The following CACNA1I variants were observed in gnomAD, a reference collection of about 807,000 sequenced individuals.
CACNA1I encodes the protein voltage-dependent T-type calcium channel subunit alpha-1I.
In CACNA1I, 74 loss-of-function variants were observed where a neutral mutation model predicts 201.6. The observed-to-expected ratio is 0.37, with a 90% CI of 0.30 to 0.45. The LOEUF is 0.45. CACNA1I is among the 20% of genes least tolerant of loss of function. CACNA1I has a pLI of 1.00. For synonymous variants in CACNA1I, 1,431 were observed against 1,345.2 expected (o/e 1.06, Z -1.40); for missense variants, 2,346 against 3,138.1 (o/e 0.75, Z 6.03).
intron 7 of CACNA1I, among the ~76,000 whole-genome samples, chr22:39,645,278 C>G (rs1005686432): frequency 6.6e-6 from 1 of 152,260 alleles, no homozygotes; most frequent in Non-Finnish European, 1.5e-5. Context: ...TGAGCCACCG[C>G]ACCTGGCTTC....
chr22:39,613,713 G>T lies in CACNA1I; in HGVS notation c.483-5597G>T, dbSNP rs546555596. On this transcript the variant is annotated intron_variant, in intron 3 of 36. Coordinates refer to ENST00000402142, the MANE Select transcript of CACNA1I (RefSeq NM_021096.4). ...CCTTCCACCTACCTGGTCAGCAGAG[G>T]GTAACGCTCCCGAGCCGGAGGCGCT... Among the ~76,000 whole-genome samples, 25 of 152,338 alleles carry T rather than the reference G, an allele frequency of 1.6e-4. No homozygotes were observed. In the South Asian group the frequency reaches 5.2e-3, roughly 32 times the overall value.
intron 2 of CACNA1I, among the ~76,000 whole-genome samples, chr22:39,599,141 G>T (rs1238041076): frequency 1.4e-5 from 2 of 148,118 alleles, no homozygotes; most frequent in African/African-American, 4.9e-5. Context: ...GTAGAGACGG[G>T]GTTTCACCAT....
chr22:39,632,128 C>T (rs142689003), intron 4 of CACNA1I, among the ~76,000 whole-genome samples: 134 of 152,198 alleles, frequency 8.8e-4, no homozygotes, highest in African/African-American at 2.3e-3. Flanking sequence ...ATTAATTGAG[C>T]GACAAAGGCC....
chr22:39,660,322 A>C (rs552930421), intron 14 of CACNA1I, 22 bp from the exon 15 acceptor site: 3 of 1,595,554 alleles, frequency 1.9e-6, no homozygotes, highest in Admixed American at 1.7e-5. Flanking sequence ...CCTGCATTCT[A>C]ACGTGACGGA....
intron 4 of CACNA1I, among the ~76,000 whole-genome samples, chr22:39,626,430 C>A (rs1339058042): frequency 5.3e-5 from 8 of 152,070 alleles, no homozygotes; most frequent in Admixed American, 5.2e-4. Context: ...CACTCATCAG[C>A]TGAGGGTTGG....
intron 3 of CACNA1I, among the ~76,000 whole-genome samples, chr22:39,612,006 T>C (rs1195267521): frequency 2.6e-5 from 4 of 152,194 alleles, no homozygotes; most frequent in Non-Finnish European, 5.9e-5. Context: ...GTTGTTTGAA[T>C]GTGTCTCCCA....
intron 6 of CACNA1I, 52 bp from the exon 7 acceptor site, chr22:39,642,745 G>C (rs898200371): frequency 1.5e-6 from 2 of 1,319,474 alleles, no homozygotes; most frequent in Admixed American, 3.8e-5. Flanking sequence ...CCTGGGCTAC[G>C]GGCTTTCTGA....
rs371990222 is a variant in CACNA1I at position 39,648,035 on chromosome 22, G to T, written c.1567+109G>T. The stretch of plus-strand genomic sequence containing the variant: ...GCATGGGGACGGCGCTTGAGCAGCC[G>T]CGACCCTCTGCAGGCCTGTCTCCCT... On this transcript the variant is annotated intron_variant, in intron 9 of 36. Coordinates refer to ENST00000402142, the MANE Select transcript of CACNA1I (RefSeq NM_021096.4). This position sits in a 1 kb window ranked among gnomAD's most constrained non-coding sequence, Gnocchi z 5.4. 6 of 926,516 alleles carry T rather than the reference G, an allele frequency of 6.5e-6. No homozygotes were observed. In the Admixed American group the frequency reaches 1.1e-4, roughly 16 times the overall value. 57.4% of individuals were successfully genotyped at this position (926,516 alleles called of 1,614,324 possible).
intron 1 of CACNA1I, among the ~76,000 whole-genome samples, chr22:39,588,322 T>C (rs913442827): frequency 1.1e-4 from 17 of 150,854 alleles, no homozygotes; most frequent in African/African-American, 4.1e-4. Context: ...TGAGGTTAAA[T>C]GTACAAGTTG....
intron 3 of CACNA1I, among the ~76,000 whole-genome samples, chr22:39,616,508 T>G (rs1933541234): frequency 6.6e-6 from 1 of 152,068 alleles, no homozygotes; most frequent in Non-Finnish European, 1.5e-5. Flanking sequence ...CTCACGCCTG[T>G]AATCCCAGCA....
chr22:39,608,204 C>T (rs191276416), intron 3 of CACNA1I, among the ~76,000 whole-genome samples: 2 of 151,358 alleles, frequency 1.3e-5, no homozygotes, highest in East Asian at 1.9e-4. Context: ...GCTGTTTGGG[C>T]GGCAGGAGAA....
intron 3 of CACNA1I, among the ~76,000 whole-genome samples, chr22:39,611,838 C>G (rs1013517629): frequency 6.6e-6 from 1 of 152,178 alleles, no homozygotes; most frequent in Non-Finnish European, 1.5e-5. Flanking sequence ...GTCTTTGCAG[C>G]CCATCCCTCA....
chr22:39,582,084 G>A (rs912838188), intron 1 of CACNA1I, among the ~76,000 whole-genome samples: 3 of 152,218 alleles, frequency 2.0e-5, no homozygotes, highest in African/African-American at 2.4e-5. Context: ...AGAGCAGGGG[G>A]TGCTGAGGAC....
At chr22:39,611,419 G>A (rs1351084357) in intron 3 of CACNA1I, among the ~76,000 whole-genome samples, 1 of 152,122 alleles carries the variant, frequency 6.6e-6, no homozygotes, top group Non-Finnish European at 1.5e-5. Context: ...TCCAGAGGCT[G>A]AAATATAAGC....
In CACNA1I at chr22:39,649,675, G is replaced by C. The variant is rs775267956; in HGVS notation, c.1742G>C (p.Ser581Thr). The C allele has an allele frequency of 2.6e-6, 4 of 1,514,660 alleles. No homozygotes were observed. Among genetic ancestry groups the C allele is most frequent in the Non-Finnish European group, 3.5e-6 (4 of 1,127,926 alleles). The allele number at this position is 1,514,660 out of a possible 1,614,324, so 93.8% of individuals were successfully genotyped here. The change falls in exon 10 of 37, where the codon AGC (serine) becomes ACC (threonine). Residue 581 changes from serine to threonine, a missense_variant. Ser to Thr is a moderately conservative substitution (Grantham distance 58). This residue lies in a region of CACNA1I where 312 missense variants were observed against 331.5 expected (regional missense o/e 0.94). Transcript: ENST00000402142. The surrounding 1 kb of genome is among the most constrained non-coding windows in gnomAD (Gnocchi z 7.3). ...DSGQEGSGSG[S>T]SAGGEDEADG... ...GGCCAGGAGGGCTCGGGCTCCGGGA[G>C]CTCCGCTGGTGGCGAGGACGAGGCG...
At chr22:39,595,416 G>T (rs1269934655) in intron 1 of CACNA1I, among the ~76,000 whole-genome samples, 1 of 152,010 alleles carries the variant, frequency 6.6e-6, no homozygotes, top group Non-Finnish European at 1.5e-5. Flanking sequence ...CTGAGGTCAG[G>T]AGTTCAAGAC....
intron 10 of CACNA1I, among the ~76,000 whole-genome samples, chr22:39,652,539 T>C (rs1219048474): frequency 2.0e-5 from 3 of 152,212 alleles, no homozygotes; most frequent in Non-Finnish European, 4.4e-5. Flanking sequence ...CAGGTATTAT[T>C]ACCTCGCCCC....
At chr22:39,622,590 G>A (rs994569167) in intron 4 of CACNA1I, among the ~76,000 whole-genome samples, 6 of 150,430 alleles carry the variant, frequency 4.0e-5, no homozygotes, top group Non-Finnish European at 7.4e-5. Flanking sequence ...CCTGGCCAGA[G>A]TGCGGTGTGG....
chr22:39,608,891 C>T (rs1344208988), intron 3 of CACNA1I, among the ~76,000 whole-genome samples: 1 of 152,120 alleles, frequency 6.6e-6, no homozygotes, highest in African/African-American at 2.4e-5. Context: ...CTGGGAACAG[C>T]TTCTCCACCC....
Sources: allele counts gnomAD v4.1 joint callset (sites outside exome capture counted in the v4.1 genomes callset), GRCh38; gene constraint gnomAD v4.1.1; regional missense constraint gnomAD v4.1.1; non-coding constraint Gnocchi (gnomAD v3.1); transcripts MANE v1.5; gene names NCBI Gene and HGNC (gene_info 2026-07-23, HGNC 2026-07-21).